Variants in VPS13D observed in about 807,000 individuals in gnomAD.
VPS13D encodes the protein intermembrane lipid transfer protein VPS13D.
Under a neutral mutation model 461.9 loss-of-function variants are expected in VPS13D, and 187 were observed. The ratio of observed to expected loss-of-function variants is 0.40; its 90% confidence interval spans 0.36 to 0.46. The LOEUF is 0.46. VPS13D is among the 20% of genes least tolerant of loss of function. VPS13D has a pLI of 0.60. For missense variants in VPS13D, 4,711 were observed against 5,364.9 expected, an observed-to-expected ratio of 0.88 and a Z score of 3.81; for synonymous variants, 1,951 against 1,986.3, an observed-to-expected ratio of 0.98 and a Z score of 0.47.
At chr1:12,447,725 A>G (rs1645211260) in intron 65 of VPS13D, among the ~76,000 whole-genome samples, 1 of 152,242 alleles carries the variant, frequency 6.6e-6, no homozygotes, top group Admixed American at 6.5e-5. Context: ...CCTTTCTTCT[A>G]AGCCTTTGGC....
At position 12,509,015 on chromosome 1, in the gene VPS13D, G is replaced by A. The variant is rs1437448959; in HGVS notation, c.13158G>A (p.Leu4386=). Reference sequence around the variant, plus strand: ...GCGAAAACCGAGAGCAGCTGGAGCTGGACTCCTGAAGCCCCGCTGCTGAGA... The same window carrying A: ...GCGAAAACCGAGAGCAGCTGGAGCTAGACTCCTGAAGCCCCGCTGCTGAGA... ...RLSENREQLE[L]DS Residue 4386 remains leucine, a synonymous_variant, in exon 70 of 70, where the codon CTG becomes CTA. Transcript: ENST00000620676. 6 of 1,614,112 alleles carry A rather than the reference G, an allele frequency of 3.7e-6. No homozygotes were observed. The Admixed American group carries it at 5.0e-5, about 13-fold the overall frequency.
At chr1:12,326,443 T>C (rs1643190536) in intron 35 of VPS13D, among the ~76,000 whole-genome samples, 1 of 151,014 alleles carries the variant, frequency 6.6e-6, no homozygotes, top group African/African-American at 2.4e-5. Flanking sequence ...GCTCAAATGA[T>C]CCTCCCACCT....
intron 16 of VPS13D, among the ~76,000 whole-genome samples, chr1:12,269,485 C>T (rs1273209797): frequency 6.6e-6 from 1 of 152,212 alleles, no homozygotes; most frequent in African/African-American, 2.4e-5. Flanking sequence ...TTCACTATGA[C>T]AGTGGTTTCC....
At chr1:12,312,733 T>A (rs1238474732) in intron 29 of VPS13D, among the ~76,000 whole-genome samples, 1 of 152,176 alleles carries the variant, frequency 6.6e-6, no homozygotes, top group Non-Finnish European at 1.5e-5. Context: ...CACTCCAGCC[T>A]AGGTGACAGC....
At chr1:12,240,766 G>A (rs145101054) in intron 2 of VPS13D, among the ~76,000 whole-genome samples, 16 of 129,728 alleles carry the variant, frequency 1.2e-4, no homozygotes, top group African/African-American at 4.1e-4. Flanking sequence ...GGGTTGTTTC[G>A]CTGGGGTTAC....
At chr1:12,325,976 CT>C (rs70987244) in intron 35 of VPS13D, among the ~76,000 whole-genome samples, 3,647 of 137,178 alleles carry the variant, frequency 0.027, 73 homozygotes, top group Non-Finnish European at 0.043. Flanking sequence ...TACTTGATTT[CT>C]TTTTTTTTTT....
At chr1:12,434,441 T>C (rs1335755465) in intron 65 of VPS13D, among the ~76,000 whole-genome samples, 1 of 152,128 alleles carries the variant, frequency 6.6e-6, no homozygotes, top group Non-Finnish European at 1.5e-5. Flanking sequence ...AGCTTGGCTC[T>C]GTGGTTTAAA....
intron 60 of VPS13D, among the ~76,000 whole-genome samples, chr1:12,399,719 T>C (rs1644548921): frequency 6.6e-6 from 1 of 150,658 alleles, no homozygotes; most frequent in Non-Finnish European, 1.5e-5. Flanking sequence ...CTCAGGAGGC[T>C]GAGGCAGGAG....
intron 5 of VPS13D, among the ~76,000 whole-genome samples, chr1:12,246,920 C>T (rs746653695): frequency 7.2e-5 from 11 of 152,078 alleles, no homozygotes; most frequent in East Asian, 3.8e-4. Flanking sequence ...TTTGCTATTA[C>T]GAATAATATT....
chr1:12,257,851 G>T (rs1227651636), intron 9 of VPS13D, 84 bp from the exon 10 acceptor site: 1 of 1,481,404 alleles, frequency 6.8e-7, no homozygotes, highest in Non-Finnish European at 9.3e-7. Context: ...GGAGAGGAGT[G>T]GGGTTATGTG....
intron 37 of VPS13D, among the ~76,000 whole-genome samples, chr1:12,331,711 TAA>T (rs757913489): frequency 4.0e-4 from 42 of 106,184 alleles, no homozygotes; most frequent in East Asian, 3.2e-3. Flanking sequence ...GACTCTGTCT[TAA>T]AAAAAAAAAA....
intron 60 of VPS13D, among the ~76,000 whole-genome samples, chr1:12,399,310 C>T (rs1341337552): frequency 6.6e-6 from 1 of 151,378 alleles, no homozygotes; most frequent in East Asian, 2.0e-4. Context: ...GATTCTCCTG[C>T]CTCAGCCTCC....
intron 65 of VPS13D, among the ~76,000 whole-genome samples, chr1:12,454,197 C>T (rs894032781): frequency 4.6e-5 from 7 of 152,134 alleles, no homozygotes; most frequent in South Asian, 4.2e-4. Flanking sequence ...TAGGTGACCT[C>T]GCTCAGGGTC....
chr1:12,232,637 CTTTTTTTTTT>C (rs772757546), intron 1 of VPS13D, among the ~76,000 whole-genome samples: 6 of 71,016 alleles, frequency 8.4e-5, no homozygotes, highest in African/African-American at 1.1e-4. Flanking sequence ...TAAAATTAGT[CTTTTTTTTTT>C]TTTTTTTTTT....
At chr1:12,427,429 C>T (rs1252802966) in intron 65 of VPS13D, among the ~76,000 whole-genome samples, 1 of 151,880 alleles carries the variant, frequency 6.6e-6, no homozygotes, top group African/African-American at 2.4e-5. Flanking sequence ...GCACAGTCAG[C>T]CCTCCATATC....
chr1:12,309,649 C>T (rs1642676263), intron 27 of VPS13D, among the ~76,000 whole-genome samples: 1 of 151,044 alleles, frequency 6.6e-6, no homozygotes, highest in African/African-American at 2.4e-5. Flanking sequence ...GTAATCCCAG[C>T]TACCGGGAAG....
At chr1:12,429,544 G>A (rs910820700) in intron 65 of VPS13D, among the ~76,000 whole-genome samples, 2 of 152,108 alleles carry the variant, frequency 1.3e-5, no homozygotes, top group Middle Eastern at 3.2e-3. Flanking sequence ...CACCCACCTC[G>A]GCCTCCCAAA....
intron 67 of VPS13D, among the ~76,000 whole-genome samples, chr1:12,477,500 T>C (rs1185784759): frequency 6.6e-6 from 1 of 152,172 alleles, no homozygotes; most frequent in African/African-American, 2.4e-5. Flanking sequence ...TCCTCTGTAG[T>C]GAGTTGTAAA....
chr1:12,267,152 G>A (rs1641296991), intron 14 of VPS13D, 141 bp downstream of exon 14: 1 of 907,428 alleles, frequency 1.1e-6, no homozygotes, highest in African/African-American at 1.7e-5. Flanking sequence ...TCTTGAAATT[G>A]TTAAAGAGCA....
Sources: allele counts gnomAD v4.1 joint callset (sites outside exome capture counted in the v4.1 genomes callset), GRCh38; gene constraint gnomAD v4.1.1; transcripts MANE v1.5; gene names NCBI Gene and HGNC (gene_info 2026-07-23, HGNC 2026-07-21).